Variants in FARS2 observed in about 807,000 individuals in gnomAD.
FARS2 encodes the protein phenylalanyl-tRNA synthetase 2, mitochondrial, also known as phenylalanine--tRNA ligase, mitochondrial.
FARS2 carries 40 observed loss-of-function variants against 46.4 expected under a neutral mutation model. That is an observed-to-expected ratio of 0.86 (90% CI 0.67 to 1.12). FARS2 has a LOEUF of 1.12. Among genes scored for constraint, FARS2 ranks in the 50% most tolerant of loss-of-function variants. The probability of loss-of-function intolerance (pLI) is 0.00; values close to 1 mark genes in which losing one functional copy is unlikely to be tolerated. For synonymous variants in FARS2, 234 were observed against 214.9 expected (o/e 1.09, Z -0.78); for missense variants, 513 against 567.9 (o/e 0.90, Z 0.98).
At chr6:5,620,201 C>T (rs141002351) in intron 6 of FARS2, among the ~76,000 whole-genome samples, 17 of 152,152 alleles carry the variant, frequency 1.1e-4, no homozygotes, top group East Asian at 9.7e-4. Context: ...CTACCGTGCA[C>T]GCGCACAGAC....
At chr6:5,372,462 G>A (rs547774532) in intron 2 of FARS2, among the ~76,000 whole-genome samples, 1 of 152,212 alleles carries the variant, frequency 6.6e-6, no homozygotes, top group South Asian at 2.1e-4. Flanking sequence ...AATTACTTAT[G>A]CATTACTAAT....
intron 6 of FARS2, among the ~76,000 whole-genome samples, chr6:5,677,282 G>A (rs368010614): frequency 3.3e-5 from 5 of 152,192 alleles, no homozygotes; most frequent in East Asian, 1.9e-4. Context: ...AAGAGGAACC[G>A]TAAAGTAGGT....
At chr6:5,514,972 C>G (rs1768698113) in intron 4 of FARS2, among the ~76,000 whole-genome samples, 1 of 150,798 alleles carries the variant, frequency 6.6e-6, no homozygotes, top group Non-Finnish European at 1.5e-5. Context: ...GAGATGGGGT[C>G]TTACTGTTGC....
chr6:5,435,532 T>A (rs1763471984), intron 4 of FARS2, among the ~76,000 whole-genome samples: 1 of 152,250 alleles, frequency 6.6e-6, no homozygotes, highest in South Asian at 2.1e-4. Flanking sequence ...GATTTCTGGA[T>A]CCTTAGACTG....
At chr6:5,683,110 A>G (rs1213812074) in intron 6 of FARS2, among the ~76,000 whole-genome samples, 4 of 152,162 alleles carry the variant, frequency 2.6e-5, no homozygotes, top group African/African-American at 9.7e-5. Context: ...GGTGGGACAG[A>G]TTTACTCATT....
At chr6:5,406,757 G>A (rs191556214) in intron 3 of FARS2, among the ~76,000 whole-genome samples, 1 of 150,734 alleles carries the variant, frequency 6.6e-6, no homozygotes, top group East Asian at 2.0e-4. Context: ...TGGGTCGTAC[G>A]TTTTCACTCC....
At chr6:5,605,265 T>G (rs1274295046) in intron 5 of FARS2, among the ~76,000 whole-genome samples, 1 of 151,760 alleles carries the variant, frequency 6.6e-6, no homozygotes, top group Non-Finnish European at 1.5e-5. Context: ...AAACAGAGGC[T>G]TAGCTCTGGT....
At chr6:5,576,575 CTATGATATATACTCTATA>C (rs1772981420) in intron 5 of FARS2, among the ~76,000 whole-genome samples, 1 of 143,624 alleles carries the variant, frequency 7.0e-6, no homozygotes, top group Non-Finnish European at 1.5e-5. Flanking sequence ...GAGTATATAT[CTATGATATATACTCTATA>C]TATGATATAT....
At chr6:5,289,184 CAAGGGATTACATTTGAG>C (rs1767334479) in intron 1 of FARS2, among the ~76,000 whole-genome samples, 1 of 152,132 alleles carries the variant, frequency 6.6e-6, no homozygotes, top group South Asian at 2.1e-4. Context: ...AGCCAAAACT[CAAGGGATTACATTTGAG>C]TTTTAATGCT....
At chr6:5,252,019 AG>A in the FARS2 span, among the ~76,000 whole-genome samples, 1 of 152,240 alleles carries the variant, frequency 6.6e-6, no homozygotes, top group African/African-American at 2.4e-5. Flanking sequence ...CAGCAATCAC[AG>A]ATATCAGTGT....
chr6:5,616,033 A>AAAAAAAAAAAAAC (rs1413092908), intron 6 of FARS2, among the ~76,000 whole-genome samples: 4 of 150,338 alleles, frequency 2.7e-5, no homozygotes, highest in Non-Finnish European at 3.0e-5. Context: ...AAAAAAAAAA[A>AAAAAAAAAAAAAC]AACAACGAAA....
intron 4 of FARS2, among the ~76,000 whole-genome samples, chr6:5,487,018 A>C (rs1421853252): frequency 6.6e-6 from 1 of 151,342 alleles, no homozygotes; most frequent in East Asian, 1.9e-4. Flanking sequence ...ACAGAAATGA[A>C]GCTGGTTGGA....
intron 3 of FARS2, among the ~76,000 whole-genome samples, chr6:5,413,115 G>A (rs920686767): frequency 2.0e-5 from 3 of 152,148 alleles, no homozygotes; most frequent in Non-Finnish European, 4.4e-5. Context: ...ATATACTAGG[G>A]TTGATCTGTT....
chr6:5,380,740 T>G lies in FARS2; in HGVS notation c.612+11558T>G, dbSNP rs540255004. On this transcript the variant is annotated intron_variant, in intron 2 of 6. Coordinates refer to ENST00000274680, the MANE Select transcript of FARS2 (RefSeq NM_006567.5). ...TACTGGGTACTTTCATTGTCTTCGC[T>G]CCGAGGCTTCGTCCTAAAATCTGCT... is the stretch of plus-strand genomic sequence containing the variant. Among the ~76,000 whole-genome samples, 7 of 152,318 alleles carry G rather than the reference T, an allele frequency of 4.6e-5. No individual in the cohort carries two copies. The East Asian group carries it at 1.4e-3, about 29-fold the overall frequency.
chr6:5,293,005 A>G (rs534217166), intron 1 of FARS2, among the ~76,000 whole-genome samples: 8 of 152,356 alleles, frequency 5.3e-5, no homozygotes, highest in African/African-American at 1.9e-4. Context: ...ATGGCGGCCA[A>G]TGCCGCACAG....
At chr6:5,296,589 C>T (rs1246982924) in intron 1 of FARS2, among the ~76,000 whole-genome samples, 2 of 152,180 alleles carry the variant, frequency 1.3e-5, no homozygotes, top group Non-Finnish European at 2.9e-5. Context: ...CATCCCCTCT[C>T]CCCCAAGCCT....
At chr6:5,576,585 T>A in intron 5 of FARS2, among the ~76,000 whole-genome samples, 1 of 147,352 alleles carries the variant, frequency 6.8e-6, no homozygotes, top group Non-Finnish European at 1.5e-5. Flanking sequence ...CTATGATATA[T>A]ACTCTATATA....
chr6:5,676,476 T>C (rs1468879918), intron 6 of FARS2, among the ~76,000 whole-genome samples: 1 of 152,236 alleles, frequency 6.6e-6, no homozygotes, highest in African/African-American at 2.4e-5. Context: ...GAGTCTGGGA[T>C]CTGCTTTAAT....
chr6:5,669,727 G>A (rs1189754573), intron 6 of FARS2, among the ~76,000 whole-genome samples: 2 of 152,148 alleles, frequency 1.3e-5, no homozygotes, highest in Non-Finnish European at 2.9e-5. Flanking sequence ...GCAAACAGAG[G>A]TCCTGAGATT....
Sources: gnomAD v4.1 joint callset for allele counts (sites outside exome capture counted in the v4.1 genomes callset) on GRCh38, gnomAD v4.1.1 for gene constraint, MANE v1.5 for transcripts, NCBI Gene and HGNC (gene_info 2026-07-23, HGNC 2026-07-21) for gene names.